KNTC1: variants seen among roughly 807,000 people sequenced by gnomAD.
KNTC1 encodes kinetochore-associated protein 1.
KNTC1 carries 253 observed loss-of-function variants against 314.4 expected under a neutral mutation model. The observed-to-expected ratio is 0.80, with a 90% confidence interval of 0.73 to 0.89. The LOEUF (loss-of-function observed/expected upper bound fraction) is 0.89, where lower values mean the gene tolerates loss of function less well. Ranked by LOEUF, KNTC1 falls within the 40% of genes least tolerant of loss-of-function variation. KNTC1 has a pLI of 0.00. For missense variants in KNTC1, 2,475 were observed against 2,572.9 expected, an observed-to-expected ratio of 0.96 and a Z score of 0.82; for synonymous variants, 901 against 901.4, an observed-to-expected ratio of 1.00 and a Z score of 0.01.
At position 122,562,651 on chromosome 12, in the gene KNTC1, A is replaced by T; in HGVS notation, c.1556A>T (p.His519Leu). ...TTTTTTCTTCAGGTGCTAAGAGCTCATGCAAAATTGACTACTTTTTATGGA... is the reference window on the plus strand; with the variant it reads ...TTTTTTCTTCAGGTGCTAAGAGCTCTTGCAAAATTGACTACTTTTTATGGA... The part of the protein sequence containing the change: ...SDGLKEVLRA[H>L]AKLTTFYGAF... The change falls in exon 20 of 64, where the codon CAT (histidine) becomes CTT (leucine). Residue 519 changes from histidine (H) to leucine (L), a missense_variant. His to Leu is a moderately conservative substitution (Grantham distance 99). Transcript: ENST00000333479. 6.2e-7 allele frequency: 1 copy of T among 1,603,444 alleles called. No homozygotes were observed. The highest frequency in any genetic ancestry group is 8.5e-7 in the Non-Finnish European group (1 of 1,170,878).
At chr12:122,610,200 G>A (rs1872968864) in intron 52 of KNTC1, among the ~76,000 whole-genome samples, 2 of 152,196 alleles carry the variant, frequency 1.3e-5, no homozygotes, top group South Asian at 4.1e-4. Context: ...AGTCTTTTAA[G>A]GGAAAGGCCA....
At chr12:122,557,026 G>T (rs1276087562) in intron 16 of KNTC1, among the ~76,000 whole-genome samples, 1 of 151,096 alleles carries the variant, frequency 6.6e-6, no homozygotes, top group Non-Finnish European at 1.5e-5. Context: ...GAGCAGGCTG[G>T]CACTACATCT....
chr12:122,623,789 G>A (rs980156070), intron 62 of KNTC1, among the ~76,000 whole-genome samples: 13 of 152,088 alleles, frequency 8.5e-5, no homozygotes, highest in Admixed American at 4.6e-4. Context: ...AATTCTGGCC[G>A]GGCGCAGTGG....
At chr12:122,528,628 G>A (rs867645983) in intron 1 of KNTC1, among the ~76,000 whole-genome samples, 1 of 152,194 alleles carries the variant, frequency 6.6e-6, no homozygotes, top group South Asian at 2.1e-4. Flanking sequence ...ATCCATGGGA[G>A]ATTGGTTCCA....
At chr12:122,541,279 G>T (rs920452908) in intron 5 of KNTC1, among the ~76,000 whole-genome samples, 5 of 102,426 alleles carry the variant, frequency 4.9e-5, no homozygotes, top group Non-Finnish European at 9.7e-5. Flanking sequence ...CTGCCTGCCT[G>T]CCTGCCTGCC....
intron 49 of KNTC1, 34 bp from the exon 50 acceptor site, chr12:122,604,843 T>G: frequency 6.4e-7 from 1 of 1,561,444 alleles, no homozygotes; most frequent in South Asian, 1.2e-5. Context: ...GCTTACAAAG[T>G]AAGATTTTCT....
chr12:122,563,542 C>A (rs1009325010), intron 20 of KNTC1, among the ~76,000 whole-genome samples: 3 of 152,124 alleles, frequency 2.0e-5, no homozygotes, highest in African/African-American at 7.2e-5. Flanking sequence ...TCTCTGTGGG[C>A]TCAAGCAGCC....
At chr12:122,531,066 AAG>A (rs1298247789) in intron 2 of KNTC1, among the ~76,000 whole-genome samples, 1 of 152,042 alleles carries the variant, frequency 6.6e-6, no homozygotes, top group Non-Finnish European at 1.5e-5. Flanking sequence ...TTTTTAATAA[AAG>A]AAATTTTTTT....
chr12:122,613,730 G>A lies in KNTC1; in HGVS notation c.5846G>A (p.Gly1949Asp). Residue 1949 changes from glycine (G) to aspartate (D), a missense_variant, in exon 55 of 64, where the codon GGT becomes GAT. Coordinates refer to ENST00000333479, the MANE Select transcript of KNTC1 (RefSeq NM_014708.6). ...AGTCCTAAAGAAGGAATGATTAAGG[G>A]TCTGTGGAAAAACCACAGCCACGAG... is the stretch of plus-strand genomic sequence containing the variant. ...CSSPKEGMIK[G>D]LWKNHSHESM... The A allele has an allele frequency of 6.2e-7, 1 of 1,611,764 alleles. No homozygotes were observed. Among genetic ancestry groups the A allele is most frequent in the Non-Finnish European group, 8.5e-7 (1 of 1,179,178 alleles).
rs1379742861 is a variant in KNTC1 at position 122,535,937 on chromosome 12, A to G, written c.250+1153A>G. Among the ~76,000 whole-genome samples the G allele has an allele frequency of 1.8e-3, 253 of 138,562 alleles. 5 individuals are homozygous for G. In the Admixed American group the frequency reaches 0.02, roughly 11 times the overall value. The allele number at this position is 138,562 out of a possible 152,430, so 90.9% of individuals were successfully genotyped here. A position where few individuals can be genotyped will look rare whatever the true frequency, so the allele number is the denominator to read the frequency against. On this transcript the variant is annotated intron_variant, in intron 3 of 63. Coordinates refer to ENST00000333479, the MANE Select transcript of KNTC1 (RefSeq NM_014708.6). ...TGGAGTCTCTCTCGCTCTGTCACCC[A>G]GGCTGTAGTGCAGTGGCACAATCTC...
At chr12:122,565,256 A>ATTTT (rs1565961780) in intron 20 of KNTC1, among the ~76,000 whole-genome samples, 255 of 135,416 alleles carry the variant, frequency 1.9e-3, no homozygotes, top group African/African-American at 6.3e-3. Context: ...TTTTTTTAAA[A>ATTTT]AAAAAAAAAC....
intron 20 of KNTC1, among the ~76,000 whole-genome samples, chr12:122,566,904 C>T (rs908086296): frequency 6.6e-6 from 1 of 150,642 alleles, no homozygotes; most frequent in Non-Finnish European, 1.5e-5. Context: ...CCACCACACT[C>T]AGCTAATTTT....
intron 32 of KNTC1, 112 bp from the exon 33 acceptor site, chr12:122,580,488 AACT>A: frequency 1.6e-6 from 1 of 631,448 alleles, no homozygotes; most frequent in Non-Finnish European, 2.8e-6. Context: ...ATTTGAGAAG[AACT>A]ACTGAAGACT....
chr12:122,612,608 G>A (rs1177868351), intron 53 of KNTC1, among the ~76,000 whole-genome samples: 12 of 149,974 alleles, frequency 8.0e-5, no homozygotes, highest in Non-Finnish European at 1.3e-4. Flanking sequence ...TAGTAGAGAC[G>A]TGGGTTTCAC....
chr12:122,577,767 A>G lies in KNTC1; in HGVS notation c.2817A>G (p.Gln939=). Residue 939 remains glutamine (Q), a synonymous_variant, in exon 31 of 64, where the codon CAA becomes CAG. Coordinates refer to ENST00000333479, the MANE Select transcript of KNTC1 (RefSeq NM_014708.6). The part of the protein sequence containing the change: ...RVIIWARLAL[Q]EEPDHSKEGK... ...TCATATGGGCACGACTGGCATTACA[A>G]GAAGAGCCAGATCATTCTAAAGAGG... 1 of 1,613,562 alleles carries G rather than the reference A, an allele frequency of 6.2e-7. No individual in the cohort carries two copies.
chr12:122,549,840 T>C lies in KNTC1; in HGVS notation c.1062T>C (p.Ser354=). 1.9e-6 allele frequency: 3 copies of C among 1,566,294 alleles called. No individual in the cohort carries two copies. Among genetic ancestry groups the C allele is most frequent in the Non-Finnish European group, 2.6e-6 (3 of 1,145,674 alleles). The change falls in exon 13 of 64, where the codon TCT becomes TCC. Residue 354 remains serine (S), a synonymous_variant. Coordinates refer to ENST00000333479, the MANE Select transcript of KNTC1 (RefSeq NM_014708.6). The stretch of plus-strand genomic sequence containing the variant: ...CTTTGGAAGTATCTAGTGTTTCTTC[T>C]CTGGTCCAAACAGGAATTAGCACAG... ...LYSLEVSSVS[S]LVQTGISTDT...
intron 29 of KNTC1, 137 bp downstream of exon 29, chr12:122,576,036 A>G: frequency 9.1e-7 from 1 of 1,093,912 alleles, no homozygotes; most frequent in Non-Finnish European, 1.3e-6. Context: ...ATATGATGTT[A>G]ATAAGGTGTT....
chr12:122,582,697 T>A lies in KNTC1; in HGVS notation c.2983-8T>A. On this transcript the variant is annotated splice_polypyrimidine_tract_variant and splice_region_variant and intron_variant, in intron 33 of 63. Transcript: ENST00000333479. ...CTTGGGACTTTGTCTTGCTTACCTT[T>A]GCTACAGGAGAACTTTGAGGTCTTT... is the stretch of plus-strand genomic sequence containing the variant. The A allele has an allele frequency of 1.3e-6, 2 of 1,581,522 alleles. No homozygotes were observed. Among genetic ancestry groups the A allele is most frequent in the Non-Finnish European group, 1.7e-6 (2 of 1,161,864 alleles).
chr12:122,538,192 C>A (rs549547384), intron 3 of KNTC1, 147 bp from the exon 4 acceptor site: 2 of 585,516 alleles, frequency 3.4e-6, no homozygotes, highest in African/African-American at 1.9e-5. Context: ...CAACAACATT[C>A]TTTTTTACTT....
Sources: gnomAD v4.1 joint callset for allele counts (sites outside exome capture counted in the v4.1 genomes callset) on GRCh38, gnomAD v4.1.1 for gene constraint, MANE v1.5 for transcripts, NCBI Gene and HGNC (gene_info 2026-07-23, HGNC 2026-07-21) for gene names.